Variants in FA2H observed in about 807,000 individuals in gnomAD.
FA2H encodes fatty acid alpha-hydroxylase.
Under a neutral mutation model 44.9 loss-of-function variants are expected in FA2H, and 22 were observed. That is an observed-to-expected ratio of 0.49 (90% CI 0.35 to 0.70). The LOEUF (loss-of-function observed/expected upper bound fraction) is 0.70, where lower values mean the gene tolerates loss of function less well. FA2H is among the 30% of genes least tolerant of loss of function. The pLI is 0.01. For missense variants in FA2H, 501 were observed against 504.9 expected, an observed-to-expected ratio of 0.99 and a Z score of 0.07; for synonymous variants, 243 against 213.2, an observed-to-expected ratio of 1.14 and a Z score of -1.22.
At chr16:74,742,154 C>G (rs779150387) in intron 1 of FA2H, among the ~76,000 whole-genome samples, 3 of 152,254 alleles carry the variant, frequency 2.0e-5, no homozygotes, top group Middle Eastern at 3.4e-3. Context: ...CCCAGTGGGT[C>G]GTGTTTCAAT....
At chr16:74,774,317 A>G (rs1326178837) in intron 1 of FA2H, among the ~76,000 whole-genome samples, 169 bp downstream of exon 1, 1 of 151,796 alleles carries the variant, frequency 6.6e-6, no homozygotes, top group African/African-American at 2.4e-5. Context: ...GAGGGGTTGG[A>G]GGGGACGACA....
At chr16:74,751,011 G>C (rs574845560) in intron 1 of FA2H, among the ~76,000 whole-genome samples, 1 of 152,026 alleles carries the variant, frequency 6.6e-6, no homozygotes, top group Admixed American at 6.5e-5. Context: ...TCAAACTCCT[G>C]GCCTCAGGGG....
chr16:74,764,707 A>G (rs1962775060), intron 1 of FA2H, among the ~76,000 whole-genome samples: 1 of 151,624 alleles, frequency 6.6e-6, no homozygotes, highest in Admixed American at 6.6e-5. Context: ...CTGCACATGT[A>G]TTGCTGAACT....
At chr16:74,751,760 A>G (rs1962529727) in intron 1 of FA2H, among the ~76,000 whole-genome samples, 1 of 152,188 alleles carries the variant, frequency 6.6e-6, no homozygotes, top group African/African-American at 2.4e-5. Flanking sequence ...GGGCTGGGAC[A>G]CAGCTCTAGA....
At chr16:74,742,134 C>T (rs1040970884) in intron 1 of FA2H, among the ~76,000 whole-genome samples, 8 of 152,114 alleles carry the variant, frequency 5.3e-5, no homozygotes, top group Non-Finnish European at 1.2e-4. Flanking sequence ...AGATGCTCCA[C>T]CCACATTTCC....
rs1331638194 is a variant in FA2H at position 74,749,370 on chromosome 16, C to A, written c.271-9255G>T. The stretch of plus-strand genomic sequence containing the variant: ...ACCCCCGAAGCCCACCCACCCCTCG[C>A]CCTCCCCGCAGTCATTGCAAGGCGA... On this transcript the variant is annotated intron_variant, in intron 1 of 6. Coordinates refer to ENST00000219368, the MANE Select transcript of FA2H (RefSeq NM_024306.5). Among the ~76,000 whole-genome samples, 3 of 151,722 alleles carry A rather than the reference C, an allele frequency of 2.0e-5. No homozygotes were observed. In the East Asian group the frequency reaches 5.8e-4, roughly 29 times the overall value.
chr16:74,716,814 T>G, intron 5 of FA2H: 4 of 431,644 alleles, frequency 9.3e-6, no homozygotes, highest in East Asian at 4.6e-5. Context: ...GGAAGGGACC[T>G]GGCAGATTGC....
intron 1 of FA2H, among the ~76,000 whole-genome samples, chr16:74,756,413 G>T (rs2144653641): frequency 6.6e-6 from 1 of 152,186 alleles, no homozygotes; most frequent in East Asian, 1.9e-4. Flanking sequence ...GCTTGCAAGG[G>T]TTTCTCCAAA....
chr16:74,719,635 T>C (rs1343422529), intron 4 of FA2H, among the ~76,000 whole-genome samples: 1 of 152,164 alleles, frequency 6.6e-6, no homozygotes, highest in Admixed American at 6.5e-5. Flanking sequence ...CTTCCTGGGC[T>C]CAAGCGATCC....
At chr16:74,759,751 T>C (rs1461704484) in intron 1 of FA2H, among the ~76,000 whole-genome samples, 1 of 152,212 alleles carries the variant, frequency 6.6e-6, no homozygotes, top group Non-Finnish European at 1.5e-5. Context: ...GCCTATGGGA[T>C]ACTGTCTGGC....
intron 1 of FA2H, among the ~76,000 whole-genome samples, chr16:74,755,548 GTTATT>G (rs1250751453): frequency 6.6e-6 from 1 of 152,184 alleles, no homozygotes; most frequent in African/African-American, 2.4e-5. Context: ...TTCATGTGCT[GTTATT>G]TTATTTTTCT....
chr16:74,739,911 C>T (rs1962257749), intron 2 of FA2H, 112 bp downstream of exon 2: 1 of 850,450 alleles, frequency 1.2e-6, no homozygotes, highest in Admixed American at 1.7e-5. Context: ...CCTTCCCCTT[C>T]TCCCCTGGGC....
chr16:74,767,700 C>T (rs1186172858), intron 1 of FA2H, among the ~76,000 whole-genome samples: 3 of 152,182 alleles, frequency 2.0e-5, no homozygotes, highest in East Asian at 3.9e-4. Context: ...AAAGAATCTC[C>T]CCTAGAGCAT....
At chr16:74,769,171 C>T (rs985579036) in intron 1 of FA2H, among the ~76,000 whole-genome samples, 6 of 152,170 alleles carry the variant, frequency 3.9e-5, no homozygotes, top group African/African-American at 1.4e-4. Context: ...CAGCTTATTG[C>T]AGGCTCAACT....
chr16:74,720,679 TACA>T (rs1367564826), intron 4 of FA2H, among the ~76,000 whole-genome samples: 3 of 152,162 alleles, frequency 2.0e-5, no homozygotes, highest in South Asian at 2.1e-4. Context: ...CAGTCAATTT[TACA>T]ACATTTTTAT....
Position 74,714,273 on chromosome 16 carries a change from G to A in FA2H, c.1040-4C>T. 1 of 1,548,802 alleles carries A rather than the reference G, an allele frequency of 6.5e-7. No individual in the cohort carries two copies. On this transcript the variant is annotated splice_polypyrimidine_tract_variant and splice_region_variant and intron_variant, in intron 6 of 6. Transcript: ENST00000219368. ...AATTTAGTGCTGATACCAAATCCTAGAGAGGGAGACAAACGGGGAGAAGAT... is the reference window on the plus strand; with the variant it reads ...AATTTAGTGCTGATACCAAATCCTAAAGAGGGAGACAAACGGGGAGAAGAT...
chr16:74,769,093 T>A (rs1428560090), intron 1 of FA2H, among the ~76,000 whole-genome samples: 1 of 152,030 alleles, frequency 6.6e-6, no homozygotes, highest in Non-Finnish European at 1.5e-5. Context: ...CAGTTCCATA[T>A]TCACTTTATT....
At chr16:74,730,779 A>G (rs1962056657) in intron 2 of FA2H, among the ~76,000 whole-genome samples, 2 of 152,306 alleles carry the variant, frequency 1.3e-5, no homozygotes, top group African/African-American at 4.8e-5. Flanking sequence ...GCATGGTTCT[A>G]AACACCTGAC....
At chr16:74,749,556 C>T (rs981704489) in intron 1 of FA2H, among the ~76,000 whole-genome samples, 1 of 152,210 alleles carries the variant, frequency 6.6e-6, no homozygotes, top group East Asian at 1.9e-4. Flanking sequence ...CTCTATTCAC[C>T]ACGGACCCAG....
Sources: allele counts gnomAD v4.1 joint callset (sites outside exome capture counted in the v4.1 genomes callset), GRCh38; gene constraint gnomAD v4.1.1; transcripts MANE v1.5; gene names NCBI Gene and HGNC (gene_info 2026-07-23, HGNC 2026-07-21).